Variants in SAMMSON observed in about 807,000 individuals in gnomAD.
SAMMSON encodes the protein long intergenic non-protein coding RNA 1212.
At chr3:70,339,178 C>G (rs575270356) in intron 7 of SAMMSON, among the ~76,000 whole-genome samples, 1 of 152,226 alleles carries the variant, frequency 6.6e-6, no homozygotes, top group Admixed American at 6.5e-5. Flanking sequence ...ATAAATGGTG[C>G]TGGGAAAACT....
chr3:70,209,364 C>T (rs1180162238), intron 4 of SAMMSON, among the ~76,000 whole-genome samples: 1 of 152,048 alleles, frequency 6.6e-6, no homozygotes, highest in Non-Finnish European at 1.5e-5. Context: ...GGTTGAAAAG[C>T]ACTGCTTTAC....
At chr3:70,431,725 A>C (rs546449427) in intron 2 of SAMMSON, among the ~76,000 whole-genome samples, 50 of 152,182 alleles carry the variant, frequency 3.3e-4, no homozygotes, top group African/African-American at 1.2e-3. Flanking sequence ...TATTTCCCAG[A>C]AAGTGTCCTC....
chr3:70,266,303 A>G (rs922497239), intron 6 of SAMMSON, among the ~76,000 whole-genome samples: 1 of 152,172 alleles, frequency 6.6e-6, no homozygotes, highest in Admixed American at 6.5e-5. Flanking sequence ...TTTTTAATTC[A>G]TATAGCTCAA....
At chr3:70,191,876 C>G (rs1377477989) in intron 4 of SAMMSON, among the ~76,000 whole-genome samples, 2 of 126,974 alleles carry the variant, frequency 1.6e-5, no homozygotes, top group Admixed American at 8.6e-5. Context: ...CTCTTTAAGA[C>G]TCTTTCCCTA....
At chr3:70,171,260 C>T (rs1700944291) in intron 4 of SAMMSON, among the ~76,000 whole-genome samples, 1 of 151,754 alleles carries the variant, frequency 6.6e-6, no homozygotes, top group Non-Finnish European at 1.5e-5. Flanking sequence ...TGGAATTTGT[C>T]TATCAAAGTG....
intron 2 of SAMMSON, among the ~76,000 whole-genome samples, chr3:70,412,237 T>C (rs911224425): frequency 5.9e-5 from 9 of 152,206 alleles, no homozygotes; most frequent in African/African-American, 2.2e-4. Context: ...TGTGATGTAG[T>C]GTAGGGGTCA....
intron 7 of SAMMSON, among the ~76,000 whole-genome samples, chr3:70,300,124 C>T (rs1293064812): frequency 6.6e-6 from 1 of 152,100 alleles, no homozygotes; most frequent in African/African-American, 2.4e-5. Context: ...ACCTCTGAAT[C>T]GCATATCTTC....
chr3:70,377,600 T>C (rs1703028910), intron 9 of SAMMSON, among the ~76,000 whole-genome samples: 1 of 152,046 alleles, frequency 6.6e-6, no homozygotes, highest in African/African-American at 2.4e-5. Context: ...TTTAAGCAAT[T>C]CAGAAACTCA....
chr3:70,116,094 T>A (rs1241837763), intron 4 of SAMMSON, among the ~76,000 whole-genome samples: 1 of 152,106 alleles, frequency 6.6e-6, no homozygotes, highest in Admixed American at 6.5e-5. Flanking sequence ...TAGGTTAAAT[T>A]TCTGACACCC....
intron 6 of SAMMSON, among the ~76,000 whole-genome samples, chr3:70,288,944 T>C (rs1240813401): frequency 6.6e-6 from 1 of 152,088 alleles, no homozygotes; most frequent in African/African-American, 2.4e-5. Flanking sequence ...ATTTTGAGCC[T>C]ATGTGTGTCT....
At chr3:70,367,926 C>A (rs908474301) in intron 9 of SAMMSON, among the ~76,000 whole-genome samples, 23 of 148,902 alleles carry the variant, frequency 1.5e-4, no homozygotes, top group African/African-American at 4.9e-4. Flanking sequence ...CTTCTTTTGT[C>A]TATTTGGTAA....
chr3:70,397,813 A>G (rs1035146770), intron 2 of SAMMSON, among the ~76,000 whole-genome samples: 1 of 152,196 alleles, frequency 6.6e-6, no homozygotes, highest in Non-Finnish European at 1.5e-5. Flanking sequence ...CAGTATCCAC[A>G]CTAAAACATT....
In SAMMSON at chr3:70,064,350, A is replaced by G. The variant is rs371570960; in HGVS notation, n.418-7126A>G. Among the ~76,000 whole-genome samples the G allele has an allele frequency of 2.8e-3, 419 of 152,250 alleles. 4 individuals are homozygous for G. The highest frequency in any genetic ancestry group is 0.014 in the Middle Eastern group (4 of 294). ...CTGGGACTTTACACTTTAATTAAGC[A>G]CTTGTAGTTAAGCGTTTGGCCAGAA... is the stretch of plus-strand genomic sequence containing the variant. On this transcript the variant is annotated intron_variant and non_coding_transcript_variant, in intron 3 of 9. Coordinates refer to ENST00000642114, the Ensembl canonical transcript of SAMMSON.
chr3:70,413,206 T>A (rs1701235850), intron 2 of SAMMSON, among the ~76,000 whole-genome samples: 1 of 152,134 alleles, frequency 6.6e-6, no homozygotes, highest in South Asian at 2.1e-4. Flanking sequence ...TTGAGATACC[T>A]ACAAACAGAA....
chr3:70,273,982 T>A (rs1701997933), intron 6 of SAMMSON, among the ~76,000 whole-genome samples: 1 of 151,718 alleles, frequency 6.6e-6, no homozygotes, highest in Non-Finnish European at 1.5e-5. Context: ...TTTTTGACAC[T>A]AAAATTTATT....
chr3:70,044,024 A>G (rs1042102425), intron 3 of SAMMSON, among the ~76,000 whole-genome samples: 3 of 152,094 alleles, frequency 2.0e-5, no homozygotes, highest in Non-Finnish European at 4.4e-5. Context: ...AAATCTTGGC[A>G]TAGGGAAGAT....
intron 8 of SAMMSON, among the ~76,000 whole-genome samples, chr3:70,354,596 G>A (rs1454148149): frequency 1.3e-5 from 2 of 152,306 alleles, no homozygotes; most frequent in East Asian, 3.9e-4. Context: ...TGCAGGGAGT[G>A]TAACTGTGTC....
intron 6 of SAMMSON, chr3:70,272,140 G>T (rs1213426033): frequency 6.6e-6 from 1 of 152,048 alleles, no homozygotes; most frequent in African/African-American, 2.4e-5. Flanking sequence ...CATTTATTTT[G>T]TCCGAAGTAT....
chr3:70,055,043 T>C (rs2067162068), intron 3 of SAMMSON, among the ~76,000 whole-genome samples: 1 of 152,156 alleles, frequency 6.6e-6, no homozygotes, highest in Non-Finnish European at 1.5e-5. Flanking sequence ...GATCTTGATC[T>C]TGAAACTGTA....
Sources: gnomAD v4.1 joint callset for allele counts (sites outside exome capture counted in the v4.1 genomes callset) on GRCh38, gnomAD v4.1.1 for gene constraint, MANE v1.5 for transcripts, NCBI Gene and HGNC (gene_info 2026-07-23, HGNC 2026-07-21) for gene names.